Variants in TMEM132D observed in about 807,000 individuals in gnomAD.
TMEM132D encodes transmembrane protein 132D.
Under a neutral mutation model 62.3 loss-of-function variants are expected in TMEM132D, and 21 were observed. The observed-to-expected ratio is 0.34, with a 90% CI of 0.24 to 0.49. The LOEUF (loss-of-function observed/expected upper bound fraction) is 0.49. Ranked by LOEUF, TMEM132D falls within the 20% of genes least tolerant of loss-of-function variation. TMEM132D has a pLI of 0.99. For missense variants in TMEM132D, 1,346 were observed against 1,402.8 expected, an observed-to-expected ratio of 0.96 and a Z score of 0.65; for synonymous variants, 621 against 575.6, an observed-to-expected ratio of 1.08 and a Z score of -1.13.
At chr12:129,451,189 A>G (rs1248216991) in intron 3 of TMEM132D, among the ~76,000 whole-genome samples, 3 of 152,166 alleles carry the variant, frequency 2.0e-5, no homozygotes, top group Non-Finnish European at 4.4e-5. Context: ...GCTTCCTACA[A>G]TGTGAAGCTT....
chr12:129,436,045 A>G (rs1421378035), intron 3 of TMEM132D, among the ~76,000 whole-genome samples: 1 of 151,928 alleles, frequency 6.6e-6, no homozygotes, highest in African/African-American at 2.4e-5. Context: ...TGTGTAATTT[A>G]CTCTTCAGTC....
intron 3 of TMEM132D, among the ~76,000 whole-genome samples, chr12:129,400,605 G>A (rs1488938198): frequency 1.3e-5 from 2 of 152,080 alleles, no homozygotes; most frequent in Non-Finnish European, 2.9e-5. Flanking sequence ...GGACTATTTT[G>A]ACGACAAAAA....
intron 1 of TMEM132D, among the ~76,000 whole-genome samples, chr12:129,869,445 AATC>A (rs1288354998): frequency 6.6e-6 from 1 of 152,202 alleles, no homozygotes; most frequent in African/African-American, 2.4e-5. Context: ...GAATACTTTA[AATC>A]ATCTCTAGGT....
chr12:129,753,179 G>A lies in TMEM132D; in HGVS notation c.80-52481C>T, dbSNP rs532012246. Reference sequence around the variant, plus strand: ...GTAAACCCGGGTTTACTAGAACCACGTCTGTTGGTGCAGCTATCCTGGGAT... The same window carrying A: ...GTAAACCCGGGTTTACTAGAACCACATCTGTTGGTGCAGCTATCCTGGGAT... On this transcript the variant is annotated intron_variant, in intron 1 of 8. Transcript: ENST00000422113. Among the ~76,000 whole-genome samples the A allele has an allele frequency of 5.9e-5, 9 of 152,326 alleles. No individual in the cohort carries two copies. In the South Asian group the frequency reaches 1.4e-3, roughly 25 times the overall value.
intron 2 of TMEM132D, among the ~76,000 whole-genome samples, chr12:129,584,271 C>T (rs1877956495): frequency 1.3e-5 from 2 of 152,292 alleles, no homozygotes; most frequent in South Asian, 4.1e-4. Flanking sequence ...TAGTGTATTG[C>T]TAATATAAGT....
chr12:129,840,889 T>C (rs748765760), intron 1 of TMEM132D, among the ~76,000 whole-genome samples: 1 of 152,260 alleles, frequency 6.6e-6, no homozygotes, highest in Non-Finnish European at 1.5e-5. Context: ...CATTAAAAGC[T>C]TAATAAGGAA....
At chr12:129,357,506 A>C (rs1418174320) in intron 3 of TMEM132D, among the ~76,000 whole-genome samples, 1 of 151,464 alleles carries the variant, frequency 6.6e-6, no homozygotes, top group East Asian at 1.9e-4. Context: ...GAACAAAGGA[A>C]GGAGAAAGAA....
intron 2 of TMEM132D, among the ~76,000 whole-genome samples, chr12:129,657,535 C>T (rs976913987): frequency 2.0e-5 from 3 of 152,230 alleles, no homozygotes; most frequent in Non-Finnish European, 2.9e-5. Flanking sequence ...CAGTCAAATA[C>T]ATTTTTGTAG....
At chr12:129,147,880 A>G (rs962509386) in intron 5 of TMEM132D, among the ~76,000 whole-genome samples, 1 of 152,218 alleles carries the variant, frequency 6.6e-6, no homozygotes, top group African/African-American at 2.4e-5. Context: ...CCTTGGGTTT[A>G]GCATGAACTG....
chr12:129,292,558 C>T (rs772580466), intron 4 of TMEM132D, among the ~76,000 whole-genome samples: 2 of 152,216 alleles, frequency 1.3e-5, no homozygotes, highest in Non-Finnish European at 2.9e-5. Flanking sequence ...ATGAGCATCT[C>T]AATTCAGTTT....
rs551582455 is a variant in TMEM132D, at chr12:129,653,289, A to G, written c.968+46521T>C. On this transcript the variant is annotated intron_variant, in intron 2 of 8. Coordinates refer to ENST00000422113, the MANE Select transcript of TMEM132D (RefSeq NM_133448.3). Reference sequence around the variant, plus strand: ...GGCAGAGATCACATGCCAGGTCAACATCATCATCACACAGCCAGGGCTTCC... The same window carrying G: ...GGCAGAGATCACATGCCAGGTCAACGTCATCATCACACAGCCAGGGCTTCC... Among the ~76,000 whole-genome samples, 64 of 152,302 alleles carry G rather than the reference A, an allele frequency of 4.2e-4. 1 individual carries two copies. Among genetic ancestry groups the G allele is most frequent in the African/African-American group, 1.5e-3 (64 of 41,572 alleles).
rs145194815 is a variant in TMEM132D, at chr12:129,354,021, C to T, written c.1116-16204G>A. ...GGGACTCAAAATCTAAACCTTTCCA[C>T]CAGAAAGGGATGCACTTAAATAGAT... On this transcript the variant is annotated intron_variant, in intron 3 of 8. Coordinates refer to ENST00000422113, the MANE Select transcript of TMEM132D (RefSeq NM_133448.3). 3.2e-3 allele frequency among the ~76,000 whole-genome samples: 488 copies of T among 152,144 alleles called. 3 individuals are homozygous for T. Among genetic ancestry groups the T allele is most frequent in the African/African-American group, 0.011 (458 of 41,502 alleles).
At chr12:129,497,436 C>A (rs1339503366) in intron 3 of TMEM132D, among the ~76,000 whole-genome samples, 1 of 152,340 alleles carries the variant, frequency 6.6e-6, no homozygotes, top group Non-Finnish European at 1.5e-5. Context: ...CACAGCAATG[C>A]TGTTCCCTCC....
rs555923633 is a variant in TMEM132D, at chr12:129,283,910, A to T, written c.1299+53724T>A. Reference sequence around the variant, plus strand: ...CTAACTTCCCCCTGACCCCTTGAATATGAACTTGCCCATGATCATTTGACC... The same window carrying T: ...CTAACTTCCCCCTGACCCCTTGAATTTGAACTTGCCCATGATCATTTGACC... On this transcript the variant is annotated intron_variant, in intron 4 of 8. Transcript: ENST00000422113. Among the ~76,000 whole-genome samples the T allele has an allele frequency of 2.0e-5, 3 of 152,346 alleles. No individual in the cohort carries two copies. In the East Asian group the frequency reaches 5.8e-4, roughly 29 times the overall value.
chr12:129,442,790 T>A (rs897192935), intron 3 of TMEM132D, among the ~76,000 whole-genome samples: 2 of 152,100 alleles, frequency 1.3e-5, no homozygotes, highest in Non-Finnish European at 2.9e-5. Context: ...GTCAAATACA[T>A]CTCATGGATG....
intron 3 of TMEM132D, among the ~76,000 whole-genome samples, chr12:129,402,845 G>A (rs1871662233): frequency 6.6e-6 from 1 of 152,108 alleles, no homozygotes; most frequent in Non-Finnish European, 1.5e-5. Context: ...CCTGGGGTGG[G>A]ACAGCCACCA....
rs184920972 is a variant in TMEM132D at position 129,795,393 on chromosome 12, G to A, written c.80-94695C>T. 5.9e-3 allele frequency among the ~76,000 whole-genome samples: 902 copies of A among 152,278 alleles called. 3 individuals carry two copies. The highest frequency in any genetic ancestry group is 8.5e-3 in the Non-Finnish European group (576 of 68,024). ...GGAATGACAAGGTCAGACAGATTCC[G>A]CTGGATCCCCTAAAGTCAGTCATCT... On this transcript the variant is annotated intron_variant, in intron 1 of 8. Coordinates refer to ENST00000422113, the MANE Select transcript of TMEM132D (RefSeq NM_133448.3).
chr12:129,634,109 T>A (rs544038430), intron 2 of TMEM132D, among the ~76,000 whole-genome samples: 19 of 152,190 alleles, frequency 1.2e-4, no homozygotes, highest in African/African-American at 4.1e-4. Flanking sequence ...TTGTCACGTG[T>A]GGGAAGGCCT....
intron 2 of TMEM132D, among the ~76,000 whole-genome samples, chr12:129,589,222 G>A (rs1878123511): frequency 6.6e-6 from 1 of 152,114 alleles, no homozygotes; most frequent in African/African-American, 2.4e-5. Context: ...TCATTGTAGT[G>A]AATAAGTCTC....
Sources: allele counts gnomAD v4.1 joint callset (sites outside exome capture counted in the v4.1 genomes callset), GRCh38; gene constraint gnomAD v4.1.1; transcripts MANE v1.5; gene names NCBI Gene and HGNC (gene_info 2026-07-23, HGNC 2026-07-21).